KPNA7: variants seen among roughly 807,000 people sequenced by gnomAD.
KPNA7 encodes karyopherin subunit alpha 7, also known as importin subunit alpha-8.
A neutral mutation model predicts 53.7 loss-of-function variants in KPNA7; 54 were observed. That is an observed-to-expected ratio of 1.01 (90% CI 0.81 to 1.26). The LOEUF is 1.26. Ranked by LOEUF, KPNA7 falls within the 50% of genes most tolerant of loss-of-function variation. The pLI, the probability that KPNA7 is intolerant of heterozygous loss-of-function variation, is 0.00. For missense variants in KPNA7, 640 were observed against 644.5 expected, an observed-to-expected ratio of 0.99 and a Z score of 0.07; for synonymous variants, 276 against 259.3, an observed-to-expected ratio of 1.06 and a Z score of -0.62.
At chr7:99,192,928 G>T in intron 6 of KPNA7, 91 bp downstream of exon 6, 1 of 895,738 alleles carries the variant, frequency 1.1e-6, no homozygotes, top group Non-Finnish European at 1.6e-6. Flanking sequence ...TTCAAGACCA[G>T]CCTGGGCAGA....
chr7:99,209,241 G>C (rs1226670213), upstream of KPNA7, among the ~76,000 whole-genome samples: 1 of 152,068 alleles, frequency 6.6e-6, no homozygotes, highest in Non-Finnish European at 1.5e-5. Flanking sequence ...GACCCGCCAA[G>C]GCTGCAACAG....
At chr7:99,196,827 C>G (rs1021825429) in intron 3 of KPNA7, among the ~76,000 whole-genome samples, 1 of 152,138 alleles carries the variant, frequency 6.6e-6, no homozygotes, top group Non-Finnish European at 1.5e-5. Flanking sequence ...CCTGAAAGAT[C>G]CCACTTACAG....
chr7:99,163,396 T>A, the KPNA7 span, among the ~76,000 whole-genome samples: 1 of 123,808 alleles, frequency 8.1e-6, no homozygotes, highest in Non-Finnish European at 1.7e-5. Context: ...TTTTTTTTTT[T>A]TTTTTTTTTT....
chr7:99,167,229 G>A, the KPNA7 span, among the ~76,000 whole-genome samples: 11 of 151,930 alleles, frequency 7.2e-5, no homozygotes, highest in Non-Finnish European at 1.2e-4. Flanking sequence ...TGCCTTTCCC[G>A]GAGATCTACC....
chr7:99,158,232 G>C, the KPNA7 span, among the ~76,000 whole-genome samples: 6 of 151,858 alleles, frequency 4.0e-5, no homozygotes, highest in African/African-American at 1.5e-4. Flanking sequence ...ATATGCTTTG[G>C]CATAAATCAG....
the KPNA7 span, among the ~76,000 whole-genome samples, chr7:99,160,104 A>G: frequency 7.3e-6 from 1 of 137,284 alleles, no homozygotes; most frequent in Non-Finnish European, 1.5e-5. Context: ...GGCTCACTGC[A>G]AGCTCCGCCT....
the KPNA7 span, among the ~76,000 whole-genome samples, chr7:99,168,557 C>G: frequency 6.6e-6 from 1 of 152,196 alleles, no homozygotes; most frequent in Admixed American, 6.5e-5. Context: ...GTCCCCCAGG[C>G]TGGGGTGTGG....
intron 9 of KPNA7, among the ~76,000 whole-genome samples, chr7:99,178,312 G>A (rs1798999116): frequency 6.6e-6 from 1 of 152,140 alleles, no homozygotes; most frequent in Non-Finnish European, 1.5e-5. Context: ...TCTCATGCCT[G>A]TAATCCAACA....
chr7:99,180,555 C>CTCCGTCTGTCTCTGTCCA (rs77356061), intron 9 of KPNA7, among the ~76,000 whole-genome samples: 1 of 141,538 alleles, frequency 7.1e-6, no homozygotes, highest in Non-Finnish European at 1.5e-5. Context: ...CTCCGTCTGT[C>CTCCGTCTGTCTCTGTCCA]TCTGTCTCTG....
At chr7:99,175,273 A>G (rs1798856124) in intron 10 of KPNA7, among the ~76,000 whole-genome samples, 1 of 151,790 alleles carries the variant, frequency 6.6e-6, no homozygotes, top group Non-Finnish European at 1.5e-5. Context: ...CACAATCACA[A>G]CTCAAGCAAT....
intron 6 of KPNA7, among the ~76,000 whole-genome samples, chr7:99,190,755 C>T (rs962812728): frequency 1.3e-5 from 2 of 151,508 alleles, no homozygotes; most frequent in African/African-American, 4.9e-5. Flanking sequence ...TCAAGCGATC[C>T]TCTCGCCTTG....
downstream of KPNA7, among the ~76,000 whole-genome samples, chr7:99,170,147 G>A (rs556026581): frequency 6.6e-6 from 1 of 152,292 alleles, no homozygotes; most frequent in South Asian, 2.1e-4. Context: ...CTCACAGCCT[G>A]AGGACCTTTC....
At chr7:99,149,748 G>T in the KPNA7 span, among the ~76,000 whole-genome samples, 7 of 152,106 alleles carry the variant, frequency 4.6e-5, no homozygotes, top group African/African-American at 1.4e-4. Context: ...TAGGATCTAG[G>T]CTTCTTTTGC....
chr7:99,187,809 A>ATTT (rs1563075127), intron 7 of KPNA7, among the ~76,000 whole-genome samples: 7 of 70,780 alleles, frequency 9.9e-5, no homozygotes, highest in Admixed American at 1.6e-4. Flanking sequence ...TAAAAAAAAA[A>ATTT]AAAAAAAAAA....
At chr7:99,162,270 C>G in the KPNA7 span, among the ~76,000 whole-genome samples, 2 of 152,096 alleles carry the variant, frequency 1.3e-5, no homozygotes, top group Non-Finnish European at 1.5e-5. Context: ...TCTTGAACTC[C>G]TGACCTCAGG....
At chr7:99,198,800 G>A (rs975004265) in intron 3 of KPNA7, among the ~76,000 whole-genome samples, 3 of 151,910 alleles carry the variant, frequency 2.0e-5, no homozygotes, top group Non-Finnish European at 4.4e-5. Context: ...CAAATAAAGT[G>A]CACCCAGATT....
the KPNA7 span, among the ~76,000 whole-genome samples, chr7:99,153,969 G>GA: frequency 6.6e-6 from 1 of 151,030 alleles, no homozygotes; most frequent in East Asian, 1.9e-4. Flanking sequence ...CTAAAAAAAA[G>GA]AAAAAAAAGT....
chr7:99,174,021 G>A (rs1205144268), intron 10 of KPNA7, among the ~76,000 whole-genome samples: 6 of 152,118 alleles, frequency 3.9e-5, no homozygotes, highest in Non-Finnish European at 8.8e-5. Flanking sequence ...TGCATCAGGG[G>A]TCCCCAACCC....
intron 5 of KPNA7, 92 bp downstream of exon 5, chr7:99,194,978 G>A: frequency 7.2e-7 from 1 of 1,382,512 alleles, no homozygotes; most frequent in African/African-American, 1.5e-5. Context: ...AAGTGTTCTG[G>A]GACATCGAGT....
Sources: allele counts gnomAD v4.1 joint callset (sites outside exome capture counted in the v4.1 genomes callset), GRCh38; gene constraint gnomAD v4.1.1; transcripts MANE v1.5; gene names NCBI Gene and HGNC (gene_info 2026-07-23, HGNC 2026-07-21).